Variants in SHPRH observed in about 807,000 individuals in gnomAD.
The protein encoded by SHPRH is SNF2 histone linker PHD RING helicase.
In SHPRH, 106 loss-of-function variants were observed where a neutral mutation model predicts 202.5. The observed-to-expected ratio is 0.52, with a 90% CI of 0.45 to 0.62. The LOEUF (loss-of-function observed/expected upper bound fraction) is 0.62. Among genes scored for constraint, SHPRH ranks in the 20% least tolerant of loss-of-function variants. The pLI, the probability that SHPRH is intolerant of heterozygous loss-of-function variation, is 0.00. For missense variants in SHPRH, 1,710 were observed against 2,020.0 expected (o/e 0.85, Z 2.94); for synonymous variants, 729 against 686.0 (o/e 1.06, Z -0.98).
intron 2 of SHPRH, among the ~76,000 whole-genome samples, chr6:145,874,859 A>G (rs1293109232): frequency 2.0e-5 from 3 of 152,200 alleles, no homozygotes; most frequent in African/African-American, 7.2e-5. Context: ...GATCAAGGAA[A>G]CTGGTTTTTG....
chr6:145,894,004 A>G, intron 27 of SHPRH, 146 bp downstream of exon 27: 1 of 494,348 alleles, frequency 2.0e-6, no homozygotes, highest in Non-Finnish European at 3.4e-6. Flanking sequence ...CTGCTTTTAA[A>G]TGTTCACTTT....
At chr6:145,886,839 C>T (rs762976596) in intron 29 of SHPRH, 52 bp from the exon 30 acceptor site, 14 of 1,572,748 alleles carry the variant, frequency 8.9e-6, no homozygotes, top group Middle Eastern at 3.4e-4. Context: ...AAGCCATCAG[C>T]GATTATATTT....
chr6:145,929,473 C>G (rs1409281216), intron 14 of SHPRH, among the ~76,000 whole-genome samples: 1 of 151,840 alleles, frequency 6.6e-6, no homozygotes, highest in Admixed American at 6.6e-5. Flanking sequence ...AAAGTCAGAC[C>G]TTCACTGTCT....
chr6:145,950,715 C>T (rs1582816087), intron 3 of SHPRH, among the ~76,000 whole-genome samples: 1 of 151,738 alleles, frequency 6.6e-6, no homozygotes, highest in Non-Finnish European at 1.5e-5. Flanking sequence ...TTTTCCCTGG[C>T]TGGAATTATG....
At position 145,955,460 on chromosome 6, in the gene SHPRH, T is replaced by C. The variant is rs1788411967; in HGVS notation, c.-32-106A>G. 2.7e-6 allele frequency: 3 copies of C among 1,109,132 alleles called. No individual in the cohort carries two copies. In the African/African-American group the frequency reaches 4.7e-5, roughly 17 times the overall value. The allele number at this position is 1,109,132 out of a possible 1,614,324, so 68.7% of individuals were successfully genotyped here. The stretch of plus-strand genomic sequence containing the variant: ...AAATTCATAGCCCATAAACATAATA[T>C]GAAATCTTCTGTGAGATATAAGGCA... On this transcript the variant is annotated intron_variant, in intron 1 of 29. Transcript: ENST00000275233.
chr6:145,863,010 T>C (rs1779634321), downstream of SHPRH, among the ~76,000 whole-genome samples: 1 of 152,192 alleles, frequency 6.6e-6, no homozygotes, highest in East Asian at 1.9e-4. Context: ...GAGCAAATTG[T>C]GTAGTGTCCA....
At chr6:145,884,311 C>T (rs1212496395), downstream of SHPRH, 1 of 152,160 alleles carries the variant, frequency 6.6e-6, no homozygotes, top group East Asian at 1.9e-4. Context: ...CTGCAATAAA[C>T]ATAGCAGAGC....
At chr6:145,867,672 A>AGAGAGAGAGAGAGG (rs1779861928) in intron 2 of SHPRH, among the ~76,000 whole-genome samples, 1 of 134,296 alleles carries the variant, frequency 7.4e-6, no homozygotes, top group African/African-American at 2.8e-5. Flanking sequence ...AGAGAGAGAG[A>AGAGAGAGAGAGAGG]GGTGAAGGAA....
chr6:145,927,311 A>G (rs893388895), intron 14 of SHPRH, 34 bp from the exon 15 acceptor site: 1 of 1,576,252 alleles, frequency 6.3e-7, no homozygotes, highest in Non-Finnish European at 8.7e-7. Context: ...AGCATACGAG[A>G]GTCACATATT....
At chr6:145,931,537 C>T (rs573376200) in intron 14 of SHPRH, among the ~76,000 whole-genome samples, 1 of 152,120 alleles carries the variant, frequency 6.6e-6, no homozygotes, top group East Asian at 1.9e-4. Context: ...GGGGTTTCAC[C>T]ATGTTGGCCA....
chr6:145,891,715 G>A (rs1451273059), intron 28 of SHPRH, among the ~76,000 whole-genome samples: 1 of 152,146 alleles, frequency 6.6e-6, no homozygotes, highest in Non-Finnish European at 1.5e-5. Context: ...AGGCAAGATC[G>A]CCATGGGGAG....
chr6:145,945,160 G>C (rs1447856535), intron 8 of SHPRH, among the ~76,000 whole-genome samples: 1 of 152,146 alleles, frequency 6.6e-6, no homozygotes, highest in Non-Finnish European at 1.5e-5. Context: ...TTTGTTACGT[G>C]CCAAGCATTA....
intron 2 of SHPRH, among the ~76,000 whole-genome samples, chr6:145,867,052 G>C (rs1274291721): frequency 6.6e-6 from 1 of 152,142 alleles, no homozygotes; most frequent in African/African-American, 2.4e-5. Context: ...TTCAGTTCCA[G>C]CATATAAAAT....
Position 145,885,400 on chromosome 6 carries a change from G to T in SHPRH, c.*1291C>A, listed in dbSNP as rs1212173480. Reference sequence around the variant, plus strand: ...CTCTATAAACCTAGAGTAAGAAAATGCACCTTAACTAAGCACCAAAGCCTC... The same window carrying T: ...CTCTATAAACCTAGAGTAAGAAAATTCACCTTAACTAAGCACCAAAGCCTC... On this transcript the variant is annotated 3_prime_UTR_variant, in exon 30 of 30. Coordinates refer to ENST00000275233, the MANE Select transcript of SHPRH (RefSeq NM_001042683.3). The T allele has an allele frequency of 6.6e-6, 1 of 152,468 alleles. No individual in the cohort carries two copies. The highest frequency in any genetic ancestry group is 1.5e-5 in the Non-Finnish European group (1 of 68,016). The allele number at this position is 152,468 out of a possible 1,614,324, so 9.4% of individuals were successfully genotyped here. A position where few individuals can be genotyped will look rare whatever the true frequency, so the allele number is the denominator to read the frequency against.
Position 145,934,935 on chromosome 6 carries a change from G to A in SHPRH, c.2962C>T (p.Arg988Cys), listed in dbSNP as rs1330763629. ...RQACCHPQAVRGEFLPLQKST... is the reference protein window; with the variant it reads ...RQACCHPQAVCGEFLPLQKST... The stretch of plus-strand genomic sequence containing the variant: ...TTTTGGAGTGGCAAGAACTCTCCAC[G>A]AACAGCCTGTGGGTGACAGCAGGCC... Residue 988 changes from arginine (R) to cysteine (C), a missense_variant, in exon 13 of 30, where the codon CGT becomes TGT. Coordinates refer to ENST00000275233, the MANE Select transcript of SHPRH (RefSeq NM_001042683.3). The A allele has an allele frequency of 6.2e-7, 1 of 1,606,740 alleles. No homozygotes were observed. Among genetic ancestry groups the A allele is most frequent in the Non-Finnish European group, 8.5e-7 (1 of 1,174,108 alleles).
chr6:145,886,431 G>C lies in SHPRH; in HGVS notation c.*260C>G. 1.3e-6 allele frequency: 1 copy of C among 778,862 alleles called. No homozygotes were observed. Among genetic ancestry groups the C allele is most frequent in the Non-Finnish European group, 2.3e-6 (1 of 427,340 alleles). 48.2% of individuals were successfully genotyped at this position (778,862 alleles called of 1,614,324 possible). A position where few individuals can be genotyped will look rare whatever the true frequency, so the allele number is the denominator to read the frequency against. On this transcript the variant is annotated 3_prime_UTR_variant, in exon 30 of 30. Transcript: ENST00000275233. ...CTCTCTTAATTCCCTTGCATCATCAGATATAGATACTATTTGGGACAAAAA... is the reference window on the plus strand; with the variant it reads ...CTCTCTTAATTCCCTTGCATCATCACATATAGATACTATTTGGGACAAAAA...
chr6:145,962,181 TC>T (rs1264835078), intron 1 of SHPRH, among the ~76,000 whole-genome samples: 1 of 152,216 alleles, frequency 6.6e-6, no homozygotes, highest in Non-Finnish European at 1.5e-5. Context: ...TGGAAAGGCT[TC>T]CATGACTAGA....
At chr6:145,902,630 T>C (rs149047929) in intron 25 of SHPRH, among the ~76,000 whole-genome samples, 125 of 131,996 alleles carry the variant, frequency 9.5e-4, no homozygotes, top group African/African-American at 3.2e-3. Flanking sequence ...ACTGAAGACT[T>C]ATTATTGGGG....
At chr6:145,883,655 T>A (rs1293094307), downstream of SHPRH, 1 of 152,254 alleles carries the variant, frequency 6.6e-6, no homozygotes, top group African/African-American at 2.4e-5. Context: ...ATAAAACTGT[T>A]AACTGATCTC....
Sources: allele counts gnomAD v4.1 joint callset (sites outside exome capture counted in the v4.1 genomes callset), GRCh38; gene constraint gnomAD v4.1.1; transcripts MANE v1.5; gene names NCBI Gene and HGNC (gene_info 2026-07-23, HGNC 2026-07-21).